ARPP21: variants seen among roughly 807,000 people sequenced by gnomAD.
The protein encoded by ARPP21 is cAMP-regulated phosphoprotein 21.
In ARPP21, 69 loss-of-function variants were observed where a neutral mutation model predicts 113.2. The observed-to-expected ratio is 0.61, with a 90% CI of 0.50 to 0.74. The LOEUF (loss-of-function observed/expected upper bound fraction) is 0.74. Ranked by LOEUF, ARPP21 falls within the 30% of genes least tolerant of loss-of-function variation. ARPP21 has a pLI of 0.00. For missense variants in ARPP21, 1,070 were observed against 1,037.4 expected (o/e 1.03, Z -0.43); for synonymous variants, 368 against 375.5 (o/e 0.98, Z 0.23).
At chr3:35,757,370 A>G (rs775615892) in intron 19 of ARPP21, among the ~76,000 whole-genome samples, 15 of 152,042 alleles carry the variant, frequency 9.9e-5, no homozygotes, top group Non-Finnish European at 1.8e-4. Flanking sequence ...GACCCCTTCA[A>G]TGAATCTTGA....
intron 19 of ARPP21, among the ~76,000 whole-genome samples, chr3:35,770,382 T>A (rs190078857): frequency 6.6e-6 from 1 of 152,348 alleles, no homozygotes; most frequent in East Asian, 1.9e-4. Context: ...TTCTTAGCCT[T>A]GGAACAGTTT....
chr3:35,784,473 G>T (rs1046605296), intron 19 of ARPP21, among the ~76,000 whole-genome samples: 80 of 152,312 alleles, frequency 5.3e-4, no homozygotes, highest in African/African-American at 1.9e-3. Context: ...CATGATTACA[G>T]TGCAGTCAGT....
intron 9 of ARPP21, among the ~76,000 whole-genome samples, chr3:35,704,823 T>G (rs1418077483): frequency 6.6e-6 from 1 of 152,072 alleles, no homozygotes; most frequent in East Asian, 1.9e-4. Context: ...TTCTAGGCAC[T>G]AAGACTTAAG....
At chr3:35,702,865 A>T (rs1377203295) in intron 9 of ARPP21, among the ~76,000 whole-genome samples, 2 of 151,898 alleles carry the variant, frequency 1.3e-5, no homozygotes, top group Non-Finnish European at 2.9e-5. Context: ...TCCAAAATGT[A>T]CATACTTTTA....
At chr3:35,709,648 T>A (rs1391947746) in intron 11 of ARPP21, among the ~76,000 whole-genome samples, 2 of 152,276 alleles carry the variant, frequency 1.3e-5, no homozygotes, top group Admixed American at 6.5e-5. Flanking sequence ...TGGTTGGAAT[T>A]TTTTATCTTT....
rs369199212 is a variant in ARPP21, at chr3:35,699,901, A to G, written c.687-7073A>G. On this transcript the variant is annotated intron_variant, in intron 9 of 20. Coordinates refer to ENST00000684406, the MANE Select transcript of ARPP21 (RefSeq NM_001385562.1). ...AAAACATCACTTTCAGAAAAATATG[A>G]CTGCCATATTTGGAAATACACAGAT... Among the ~76,000 whole-genome samples the G allele has an allele frequency of 1.4e-3, 214 of 151,940 alleles. 2 individuals are homozygous for G. In the East Asian group the frequency reaches 0.037, roughly 26 times the overall value.
chr3:35,747,245 T>C (rs2095116356), intron 19 of ARPP21, among the ~76,000 whole-genome samples: 1 of 151,096 alleles, frequency 6.6e-6, no homozygotes, highest in South Asian at 2.1e-4. Context: ...TCCCAGCTAC[T>C]TGGGGAGGCT....
intron 11 of ARPP21, among the ~76,000 whole-genome samples, chr3:35,714,765 G>A (rs1223124215): frequency 6.6e-6 from 1 of 151,986 alleles, no homozygotes; most frequent in African/African-American, 2.4e-5. Flanking sequence ...TGAATGCTCG[G>A]TGAATAGAAG....
chr3:35,667,603 C>G (rs1047859215), intron 1 of ARPP21, among the ~76,000 whole-genome samples: 1 of 151,936 alleles, frequency 6.6e-6, no homozygotes, highest in Non-Finnish European at 1.5e-5. Context: ...CTATTTGTAG[C>G]TTCAATCACT....
intron 13 of ARPP21, among the ~76,000 whole-genome samples, 162 bp downstream of exon 13, chr3:35,717,519 G>A (rs1210605967): frequency 6.6e-6 from 1 of 152,150 alleles, no homozygotes; most frequent in Middle Eastern, 3.4e-3. Context: ...GTCATATTGG[G>A]TAGTATGAGA....
chr3:35,703,997 T>C (rs2149915043), intron 9 of ARPP21, among the ~76,000 whole-genome samples: 1 of 152,024 alleles, frequency 6.6e-6, no homozygotes, highest in Non-Finnish European at 1.5e-5. Flanking sequence ...TTAGTTTGCA[T>C]GAGCTTAAAC....
In ARPP21 at chr3:35,690,982, C is replaced by T. The variant is rs769838628; in HGVS notation, c.663C>T (p.Ile221=). ...ATCAAACAGGAAAATCTGTTATCATCAACAAGACCAGCAGCACCAGAATGT... is the reference window on the plus strand; with the variant it reads ...ATCAAACAGGAAAATCTGTTATCATTAACAAGACCAGCAGCACCAGAATGT... ...NVDQTGKSVI[I]NKTSSTRIPE... is the part of the protein sequence containing the mutation. The change falls in exon 9 of 21, where the codon ATC becomes ATT. Residue 221 remains isoleucine (I), a synonymous_variant. Transcript: ENST00000684406. 5 of 1,610,422 alleles carry T rather than the reference C, an allele frequency of 3.1e-6. No homozygotes were observed. The highest frequency in any genetic ancestry group is 4.2e-6 in the Non-Finnish European group (5 of 1,177,716).
chr3:35,738,485 A>G (rs1342337028), intron 17 of ARPP21, among the ~76,000 whole-genome samples, 167 bp downstream of exon 17: 3 of 152,136 alleles, frequency 2.0e-5, no homozygotes, highest in African/African-American at 7.2e-5. Flanking sequence ...TCTCTGCAAA[A>G]CAATGGTTTC....
At chr3:35,789,577 A>C (rs558791242) in intron 19 of ARPP21, among the ~76,000 whole-genome samples, 1 of 151,856 alleles carries the variant, frequency 6.6e-6, no homozygotes, top group South Asian at 2.1e-4. Context: ...TGTGTTTACC[A>C]TGGGAACCCC....
chr3:35,718,304 T>C (rs1215514764), intron 13 of ARPP21, among the ~76,000 whole-genome samples: 1 of 152,190 alleles, frequency 6.6e-6, no homozygotes, highest in Admixed American at 6.6e-5. Flanking sequence ...TAGATTGAAC[T>C]ATTAAGTTTA....
chr3:35,704,871 T>G (rs538875913), intron 9 of ARPP21, among the ~76,000 whole-genome samples: 1 of 152,186 alleles, frequency 6.6e-6, no homozygotes, highest in East Asian at 1.9e-4. Flanking sequence ...ACATGAAACT[T>G]AAATTCTAAT....
intron 1 of ARPP21, chr3:35,643,718 C>A (rs142325298): frequency 2.6e-5 from 4 of 152,078 alleles, no homozygotes; most frequent in African/African-American, 9.6e-5. Context: ...GCAAATTAAT[C>A]ATTTGTATAT....
At chr3:35,648,878 G>C (rs906098615) in intron 1 of ARPP21, among the ~76,000 whole-genome samples, 2 of 152,182 alleles carry the variant, frequency 1.3e-5, no homozygotes, top group Admixed American at 6.5e-5. Flanking sequence ...GAAGGTGTCA[G>C]AGAATAAATT....
intron 9 of ARPP21, among the ~76,000 whole-genome samples, chr3:35,697,642 G>A (rs1188713657): frequency 1.3e-5 from 2 of 151,584 alleles, no homozygotes; most frequent in Non-Finnish European, 3.0e-5. Context: ...CTTTCTCAGT[G>A]GGTAGACCCA....
Sources: allele counts gnomAD v4.1 joint callset (sites outside exome capture counted in the v4.1 genomes callset), GRCh38; gene constraint gnomAD v4.1.1; transcripts MANE v1.5; gene names NCBI Gene and HGNC (gene_info 2026-07-23, HGNC 2026-07-21).